Variants in DPP8 observed in about 807,000 individuals in gnomAD.
The protein encoded by DPP8 is DPP VIII.
DPP8 carries 31 observed loss-of-function variants against 107.5 expected under a neutral mutation model. The ratio of observed to expected loss-of-function variants is 0.29; its 90% CI spans 0.22 to 0.39. The LOEUF is 0.39. Among genes scored for constraint, DPP8 ranks in the 10% least tolerant of loss-of-function variants. DPP8 has a pLI of 1.00. For synonymous variants in DPP8, 381 were observed against 356.6 expected, an observed-to-expected ratio of 1.07 and a Z score of -0.77; for missense variants, 842 against 1,076.1, an observed-to-expected ratio of 0.78 and a Z score of 3.04.
intron 8 of DPP8, among the ~76,000 whole-genome samples, chr15:65,483,312 C>T (rs1489405374): frequency 1.3e-5 from 2 of 151,890 alleles, no homozygotes; most frequent in Admixed American, 6.6e-5. Flanking sequence ...ATCACTTGGG[C>T]CCAGGAGTGC....
chr15:65,475,805 C>T (rs556528769), intron 11 of DPP8, among the ~76,000 whole-genome samples: 8 of 152,280 alleles, frequency 5.3e-5, no homozygotes, highest in East Asian at 1.9e-4. Context: ...TACAGTGCAG[C>T]GGCACCATCA....
At chr15:65,493,896 T>C (rs1343555043) in intron 5 of DPP8, among the ~76,000 whole-genome samples, 1 of 152,090 alleles carries the variant, frequency 6.6e-6, no homozygotes, top group African/African-American at 2.4e-5. Context: ...GTAAGTGGAA[T>C]AAGCTGATGA....
chr15:65,512,146 T>C (rs1567302238), intron 2 of DPP8, 149 bp downstream of exon 2: 1 of 804,214 alleles, frequency 1.2e-6, no homozygotes, highest in Non-Finnish European at 2.1e-6. Flanking sequence ...TACAACAAAA[T>C]CGAATTCTTC....
In DPP8 at chr15:65,515,579, G is replaced by A. The variant is rs1383078480; in HGVS notation, c.-12+1907C>T. ...TGTCAAAAATAGGAAAATAGGGTCAGTGTACCTTCTCAGCACAGTGCATAT... is the reference window on the plus strand; with the variant it reads ...TGTCAAAAATAGGAAAATAGGGTCAATGTACCTTCTCAGCACAGTGCATAT... On this transcript the variant is annotated intron_variant, in intron 1 of 19. Coordinates refer to ENST00000300141, the MANE Select transcript of DPP8 (RefSeq NM_130434.5). The A allele has an allele frequency of 2.3e-6, 3 of 1,283,876 alleles. No individual in the cohort carries two copies. In the African/African-American group the frequency reaches 4.4e-5, roughly 19 times the overall value. The allele number at this position is 1,283,876 out of a possible 1,614,324, so 79.5% of individuals were successfully genotyped here.
chr15:65,473,325 C>CG (rs1555456110), intron 12 of DPP8, among the ~76,000 whole-genome samples: 23 of 94,796 alleles, frequency 2.4e-4, no homozygotes, highest in African/African-American at 6.8e-4. Flanking sequence ...ACTCCATCTC[C>CG]AAAAAAAAAA....
chr15:65,481,750 A>G (rs2066945888), intron 8 of DPP8, 135 bp from the exon 9 acceptor site: 1 of 522,682 alleles, frequency 1.9e-6, no homozygotes, highest in Non-Finnish European at 3.3e-6. Flanking sequence ...AACAAAGGAT[A>G]TAGCAAATCT....
rs551583436 is a variant in DPP8 at position 65,505,280 on chromosome 15, G to A, written c.372+1963C>T. Among the ~76,000 whole-genome samples the A allele has an allele frequency of 7.2e-5, 11 of 151,902 alleles. No homozygotes were observed. In the South Asian group the frequency reaches 8.3e-4, roughly 11 times the overall value. ...TGAGGCAGGAGAATGGTGTGAACCC[G>A]GGAGGAGGAGCTTGCAGTGAGCTGA... On this transcript the variant is annotated intron_variant, in intron 3 of 19. Coordinates refer to ENST00000300141, the MANE Select transcript of DPP8 (RefSeq NM_130434.5).
At chr15:65,488,033 T>C (rs1187128333) in intron 6 of DPP8, among the ~76,000 whole-genome samples, 1 of 152,212 alleles carries the variant, frequency 6.6e-6, no homozygotes, top group East Asian at 1.9e-4. Context: ...CTGGAGATGA[T>C]ATGTATACAT....
chr15:65,490,814 A>C (rs1026252481), intron 5 of DPP8, among the ~76,000 whole-genome samples: 3 of 152,118 alleles, frequency 2.0e-5, no homozygotes, highest in Non-Finnish European at 2.9e-5. Flanking sequence ...GGTTTCCAGC[A>C]AATAGTTTGA....
At chr15:65,475,182 G>A (rs920915539) in intron 11 of DPP8, 10 of 431,870 alleles carry the variant, frequency 2.3e-5, no homozygotes, top group East Asian at 2.2e-4. Context: ...GAAGTCCAGG[G>A]CAATGCAGTG....
chr15:65,475,515 T>C lies in DPP8; in HGVS notation c.1457-1227A>G, dbSNP rs545174186. On this transcript the variant is annotated intron_variant, in intron 11 of 19. Coordinates refer to ENST00000300141, the MANE Select transcript of DPP8 (RefSeq NM_130434.5). The stretch of plus-strand genomic sequence containing the variant: ...ACATAGGCCATCACATGACCTGCCA[T>C]AAAGGCATTAAAACCAGCCCGGTGC... 8.3e-6 allele frequency: 12 copies of C among 1,440,480 alleles called. No homozygotes were observed. The South Asian group carries it at 1.1e-4, about 14-fold the overall frequency. The allele number at this position is 1,440,480 out of a possible 1,614,324, so 89.2% of individuals were successfully genotyped here.
intron 7 of DPP8, among the ~76,000 whole-genome samples, chr15:65,487,038 A>C (rs952293863): frequency 6.6e-6 from 1 of 152,232 alleles, no homozygotes; most frequent in Non-Finnish European, 1.5e-5. Context: ...TAAAGTGAAA[A>C]GTGAAATTAT....
At chr15:65,513,753 C>T (rs352472) in intron 1 of DPP8, among the ~76,000 whole-genome samples, 143,076 of 152,276 alleles carry the variant, frequency 0.94, 67,215 homozygotes, top group Admixed American at 0.96. Flanking sequence ...TGTTTATTCT[C>T]ATTTCACAAA....
In DPP8 at chr15:65,446,282, A is replaced by G. The variant is rs544853589; in HGVS notation, c.*602T>C. The G allele has an allele frequency of 2.0e-5, 3 of 152,528 alleles. No individual in the cohort carries two copies. The highest frequency in any genetic ancestry group is 6.5e-5 in the Admixed American group (1 of 15,274). The allele number at this position is 152,528 out of a possible 1,614,324, so 9.4% of individuals were successfully genotyped here. On this transcript the variant is annotated 3_prime_UTR_variant, in exon 20 of 20. Transcript: ENST00000300141. ...CTAGATACAGATTAAATTGGCTAAA[A>G]ACTGGTCAGTGCCAAAACAAGTGTC...
intron 3 of DPP8, among the ~76,000 whole-genome samples, chr15:65,502,187 C>T: frequency 6.6e-6 from 1 of 152,226 alleles, no homozygotes; most frequent in East Asian, 1.9e-4. Context: ...CCAAGCCTGG[C>T]CCTCATGAAA....
At chr15:65,477,681 C>G (rs2066523076) in intron 11 of DPP8, among the ~76,000 whole-genome samples, 1 of 151,652 alleles carries the variant, frequency 6.6e-6, no homozygotes, top group South Asian at 2.1e-4. Flanking sequence ...AGGCGCCCAC[C>G]ACCACGCCCG....
intron 7 of DPP8, 123 bp from the exon 8 acceptor site, chr15:65,485,283 C>A (rs991836430): frequency 1.5e-6 from 1 of 681,614 alleles, no homozygotes; most frequent in South Asian, 1.7e-5. Context: ...GTGGCTCACG[C>A]CTGTAATCCC....
chr15:65,453,496 C>A (rs985434786), intron 17 of DPP8, among the ~76,000 whole-genome samples: 1 of 152,168 alleles, frequency 6.6e-6, no homozygotes, highest in South Asian at 2.1e-4. Context: ...AGGCTGGGCG[C>A]AGTGGTTCAT....
At chr15:65,500,315 G>A (rs577670906) in intron 4 of DPP8, among the ~76,000 whole-genome samples, 1 of 152,104 alleles carries the variant, frequency 6.6e-6, no homozygotes, top group East Asian at 1.9e-4. Flanking sequence ...CTACTTGGGA[G>A]GCTGAGGCAG....
Sources: allele counts gnomAD v4.1 joint callset (sites outside exome capture counted in the v4.1 genomes callset), GRCh38; gene constraint gnomAD v4.1.1; transcripts MANE v1.5; gene names NCBI Gene and HGNC (gene_info 2026-07-23, HGNC 2026-07-21).